The following ELAPOR1 variants were observed in gnomAD, a reference collection of about 807,000 sequenced individuals.
The protein encoded by ELAPOR1 is endosome/lysosome-associated apoptosis and autophagy regulator 1.
ELAPOR1 carries 77 observed loss-of-function variants against 119.7 expected under a neutral mutation model. That is an observed-to-expected ratio of 0.64 (90% CI 0.54 to 0.78). ELAPOR1 has a LOEUF of 0.78. Among genes scored for constraint, ELAPOR1 ranks in the 30% least tolerant of loss-of-function variants. The pLI is 0.00. For synonymous variants in ELAPOR1, 481 were observed against 487.2 expected (o/e 0.99, Z 0.17); for missense variants, 1,115 against 1,270.4 (o/e 0.88, Z 1.86).
chr1:109,174,981 C>T (rs544386608), intron 7 of ELAPOR1, among the ~76,000 whole-genome samples: 53 of 152,002 alleles, frequency 3.5e-4, no homozygotes, highest in Non-Finnish European at 6.5e-4. Context: ...TCCCAAAGTG[C>T]TGGGATTATA....
intron 1 of ELAPOR1, among the ~76,000 whole-genome samples, chr1:109,121,366 C>G (rs912224031): frequency 6.6e-6 from 1 of 152,140 alleles, no homozygotes; most frequent in Non-Finnish European, 1.5e-5. Context: ...ACACTGGTCT[C>G]GAACTCTTGA....
intron 1 of ELAPOR1, among the ~76,000 whole-genome samples, chr1:109,137,561 C>T (rs1415369927): frequency 6.9e-6 from 1 of 145,954 alleles, no homozygotes; most frequent in Admixed American, 6.9e-5. Flanking sequence ...GAGTTTCGCT[C>T]TTGTTGCCCA....
chr1:109,119,501 T>TC (rs1292684475), intron 1 of ELAPOR1, among the ~76,000 whole-genome samples: 2 of 149,310 alleles, frequency 1.3e-5, no homozygotes, highest in East Asian at 4.0e-4. Flanking sequence ...TTTTTTTTTT[T>TC]CACATGTATG....
intron 18 of ELAPOR1, 105 bp from the exon 19 acceptor site, chr1:109,199,749 C>T: frequency 2.3e-6 from 3 of 1,333,084 alleles, no homozygotes; most frequent in Non-Finnish European, 3.1e-6. Flanking sequence ...ATGGTTTGGG[C>T]AGGGAGAGGG....
chr1:109,118,900 CTTT>C (rs777752743), intron 1 of ELAPOR1, among the ~76,000 whole-genome samples: 2 of 128,176 alleles, frequency 1.6e-5, no homozygotes. Context: ...TTTGGTTCTT[CTTT>C]TTTTTTTTTT....
rs575465608 is a variant in ELAPOR1 at position 109,146,910 on chromosome 1, AT to A, written c.154-14972del. ...GTAAGCCAACATGCCTGGCTATTTA[AT>A]TTTTTTTTTTTCAAGACAGAGACTC... On this transcript the variant is annotated intron_variant, in intron 1 of 21. Transcript: ENST00000369939. 1.8e-3 allele frequency among the ~76,000 whole-genome samples: 262 copies of A among 144,346 alleles called. 5 individuals are homozygous for A. In the South Asian group the frequency reaches 0.029, roughly 16 times the overall value. 94.7% of individuals were successfully genotyped at this position (144,346 alleles called of 152,430 possible).
rs149450413 is a variant in ELAPOR1 at position 109,164,499 on chromosome 1, C to G, written c.275C>G (p.Ser92Cys). The G allele has an allele frequency of 2.4e-5, 39 of 1,606,612 alleles. No homozygotes were observed. The highest frequency in any genetic ancestry group is 1.7e-4 in the Admixed American group (10 of 59,698). Residue 92 changes from serine to cysteine, a missense_variant and splice_region_variant, in exon 3 of 22, where the codon TCC (serine) becomes TGC (cysteine). Ser to Cys is a moderately radical substitution (Grantham distance 112). Coordinates refer to ENST00000369939, the MANE Select transcript of ELAPOR1 (RefSeq NM_020775.5). Reference protein sequence around the residue: ...LPDPIKGTECSFSCNAGEFLD... With the variant: ...LPDPIKGTECCFSCNAGEFLD... ...ACCTTGTCTCTGCCCTGTTTTCCAG[C>G]CTTCTCCTGCAACGCCGGGGAGTTT... is the stretch of plus-strand genomic sequence containing the variant.
At position 109,193,672 on chromosome 1, in the gene ELAPOR1, G is replaced by C. The variant is rs542308853; in HGVS notation, c.1948-749G>C. Among the ~76,000 whole-genome samples the C allele has an allele frequency of 1.3e-4, 20 of 152,306 alleles. No homozygotes were observed. The South Asian group carries it at 4.1e-3, about 32-fold the overall frequency. On this transcript the variant is annotated intron_variant, in intron 14 of 21. Coordinates refer to ENST00000369939, the MANE Select transcript of ELAPOR1 (RefSeq NM_020775.5). ...TTAATCGATGCTTTTAAATGAATTTGCATTTTACTGATCACAACTACATGC... is the reference window on the plus strand; with the variant it reads ...TTAATCGATGCTTTTAAATGAATTTCCATTTTACTGATCACAACTACATGC...
chr1:109,177,389 C>G (rs1378300236), intron 7 of ELAPOR1, among the ~76,000 whole-genome samples: 1 of 92,004 alleles, frequency 1.1e-5, no homozygotes, highest in Non-Finnish European at 2.1e-5. Flanking sequence ...ACGGGGCGGC[C>G]GGGCAGAGAC....
At position 109,121,216 on chromosome 1, in the gene ELAPOR1, G is replaced by A. The variant is rs750934866; in HGVS notation, c.153+6880G>A. ...GGCTGGAGTCCAGTGGCGTGATCTC[G>A]GCTCACTGCAACCTCCGCCTCCCAG... On this transcript the variant is annotated intron_variant, in intron 1 of 21. Transcript: ENST00000369939. Among the ~76,000 whole-genome samples the A allele has an allele frequency of 9.8e-4, 149 of 151,778 alleles. 3 individuals are homozygous for A. The highest frequency in any genetic ancestry group is 2.4e-4 in the African/African-American group (10 of 41,356).
chr1:109,141,022 T>G (rs564653954), intron 1 of ELAPOR1, among the ~76,000 whole-genome samples: 10 of 152,098 alleles, frequency 6.6e-5, no homozygotes, highest in African/African-American at 2.2e-4. Flanking sequence ...CAGCTAATTT[T>G]TGTGTTTTTA....
intron 1 of ELAPOR1, among the ~76,000 whole-genome samples, chr1:109,124,722 TATCA>T (rs759857836): frequency 4.6e-5 from 7 of 152,224 alleles, no homozygotes; most frequent in Non-Finnish European, 1.0e-4. Context: ...TTGGCAATGC[TATCA>T]ATCCTTTAAA....
chr1:109,170,191 T>G (rs1374767875), intron 3 of ELAPOR1, among the ~76,000 whole-genome samples: 1 of 152,196 alleles, frequency 6.6e-6, no homozygotes, highest in Non-Finnish European at 1.5e-5. Flanking sequence ...CGCATGCGCA[T>G]GTTAAACACC....
At position 109,188,059 on chromosome 1, in the gene ELAPOR1, G is replaced by A. The variant is rs1653165270; in HGVS notation, c.1042-118G>A. ...GCCACACAAAGTTCCCCACCCCAGA[G>A]GAGCTCTTACCTGGCCCAGAATCTG... On this transcript the variant is annotated intron_variant, in intron 8 of 21. Transcript: ENST00000369939. 26 of 1,457,144 alleles carry A rather than the reference G, an allele frequency of 1.8e-5. No individual in the cohort carries two copies. The South Asian group carries it at 2.5e-4, about 14-fold the overall frequency. 90.3% of individuals were successfully genotyped at this position (1,457,144 alleles called of 1,614,324 possible).
chr1:109,143,825 A>G (rs1649976558), intron 1 of ELAPOR1, among the ~76,000 whole-genome samples: 1 of 151,580 alleles, frequency 6.6e-6, no homozygotes, highest in East Asian at 1.9e-4. Flanking sequence ...ATAAGCCACC[A>G]TGCCCAGCTA....
intron 3 of ELAPOR1, among the ~76,000 whole-genome samples, chr1:109,165,596 A>G (rs866928557): frequency 1.3e-5 from 2 of 151,660 alleles, no homozygotes; most frequent in Non-Finnish European, 1.5e-5. Context: ...AAAAAAAAAA[A>G]AAAAGAAAAA....
At chr1:109,198,508 T>C in intron 17 of ELAPOR1, 65 bp from the exon 18 acceptor site, 1 of 1,424,884 alleles carries the variant, frequency 7.0e-7, no homozygotes, top group Non-Finnish European at 9.7e-7. Flanking sequence ...CGGATTTCTC[T>C]TGGTGGCTGT....
rs540893486 is a variant in ELAPOR1 at position 109,179,326 on chromosome 1, C to T, written c.952+5489C>T. Among the ~76,000 whole-genome samples, 30 of 146,662 alleles carry T rather than the reference C, an allele frequency of 2.0e-4. No individual in the cohort carries two copies. In the East Asian group the frequency reaches 4.6e-3, roughly 22 times the overall value. On this transcript the variant is annotated intron_variant, in intron 7 of 21. Transcript: ENST00000369939. ...CTGAGGCAGGAGAATTGCTTGAACC[C>T]GGGAGGCGGAGGTTGCAGGTTGCAG...
At chr1:109,190,334 CCAGCCCGCTGGTTAACA>C (rs1406148461) in intron 11 of ELAPOR1, among the ~76,000 whole-genome samples, 1 of 152,244 alleles carries the variant, frequency 6.6e-6, no homozygotes, top group Non-Finnish European at 1.5e-5. Flanking sequence ...GATGGCTTTT[CCAGCCCGCTGGTTAACA>C]CAGCTGCATA....
Sources: gnomAD v4.1 joint callset for allele counts (sites outside exome capture counted in the v4.1 genomes callset) on GRCh38, gnomAD v4.1.1 for gene constraint, MANE v1.5 for transcripts, NCBI Gene and HGNC (gene_info 2026-07-23, HGNC 2026-07-21) for gene names.